The following SLC71A2 variants were observed in gnomAD, a reference collection of about 807,000 sequenced individuals.
The protein encoded by SLC71A2 is solute carrier family 71 member 2, also known as hippocampus abundant transcript-like 1.
chr9:94,424,244 G>GC, the SLC71A2 span, among the ~76,000 whole-genome samples: 1 of 151,152 alleles, frequency 6.6e-6, no homozygotes, highest in African/African-American at 2.4e-5. Flanking sequence ...TTTTTTGGCG[G>GC]AGGGGGGAGC....
the SLC71A2 span, among the ~76,000 whole-genome samples, chr9:94,408,890 C>A: frequency 6.8e-6 from 1 of 147,526 alleles, no homozygotes; most frequent in Non-Finnish European, 1.5e-5. Flanking sequence ...GTGGCACGAT[C>A]TCTGCTCACT....
At chr9:94,446,860 T>C in the SLC71A2 span, 2 of 1,611,948 alleles carry the variant, frequency 1.2e-6, no homozygotes, top group Non-Finnish European at 1.7e-6. Flanking sequence ...ACTGTCTTAC[T>C]AATCTGCATC....
At chr9:94,443,363 A>G in the SLC71A2 span, among the ~76,000 whole-genome samples, 1 of 152,184 alleles carries the variant, frequency 6.6e-6, no homozygotes, top group Non-Finnish European at 1.5e-5. Flanking sequence ...AGGAGAATTT[A>G]TTGCCAATTA....
chr9:94,390,261 C>G, the SLC71A2 span, among the ~76,000 whole-genome samples: 1 of 149,802 alleles, frequency 6.7e-6, no homozygotes. Context: ...TTACCCCGCT[C>G]ATAAGGGAAA....
At chr9:94,441,119 A>G in the SLC71A2 span, 8 of 1,341,116 alleles carry the variant, frequency 6.0e-6, no homozygotes, top group Non-Finnish European at 8.3e-6. Context: ...TAGACTATAT[A>G]TATTTTTTAA....
the SLC71A2 span, among the ~76,000 whole-genome samples, chr9:94,409,570 A>T: frequency 6.6e-6 from 1 of 152,170 alleles, no homozygotes; most frequent in African/African-American, 2.4e-5. Flanking sequence ...GGAAAGTTAA[A>T]TTATTGATTT....
chr9:94,454,282 C>T, the SLC71A2 span, among the ~76,000 whole-genome samples: 3 of 152,206 alleles, frequency 2.0e-5, no homozygotes, highest in Admixed American at 1.3e-4. Context: ...TGGACTTTCA[C>T]GGAATTGTTC....
the SLC71A2 span, chr9:94,445,145 G>A: frequency 1.2e-6 from 2 of 1,613,960 alleles, no homozygotes; most frequent in South Asian, 2.2e-5. Flanking sequence ...GTTTCCTGGG[G>A]AGCTCAGATT....
At chr9:94,431,183 G>T in the SLC71A2 span, among the ~76,000 whole-genome samples, 1 of 151,992 alleles carries the variant, frequency 6.6e-6, no homozygotes, top group African/African-American at 2.4e-5. Flanking sequence ...CGTGGTGGCG[G>T]GCCCCTGTAG....
At chr9:94,419,960 A>C in the SLC71A2 span, among the ~76,000 whole-genome samples, 1 of 152,176 alleles carries the variant, frequency 6.6e-6, no homozygotes, top group African/African-American at 2.4e-5. Flanking sequence ...AAACACCTCG[A>C]GCCAGTAAAC....
At chr9:94,390,715 G>T in the SLC71A2 span, among the ~76,000 whole-genome samples, 2 of 152,140 alleles carry the variant, frequency 1.3e-5, no homozygotes, top group Non-Finnish European at 2.9e-5. Flanking sequence ...GTAATACTTT[G>T]TTAAATTTCT....
At chr9:94,390,553 G>T in the SLC71A2 span, among the ~76,000 whole-genome samples, 73,251 of 151,142 alleles carry the variant, frequency 0.48, 18,022 homozygotes, top group East Asian at 0.6. Context: ...GGGAGGATTA[G>T]TGAGCTCAGC....
chr9:94,400,703 G>A, the SLC71A2 span, among the ~76,000 whole-genome samples: 3 of 152,000 alleles, frequency 2.0e-5, no homozygotes, highest in Non-Finnish European at 4.4e-5. Context: ...TTCCATCCTG[G>A]GATTCTCCAC....
chr9:94,396,615 A>G, the SLC71A2 span, among the ~76,000 whole-genome samples: 5 of 152,214 alleles, frequency 3.3e-5, no homozygotes, highest in East Asian at 1.9e-4. Flanking sequence ...TTTTGGCCAT[A>G]TGTTACTCAG....
chr9:94,430,488 C>G, the SLC71A2 span, among the ~76,000 whole-genome samples: 5 of 152,056 alleles, frequency 3.3e-5, no homozygotes, highest in African/African-American at 1.2e-4. Flanking sequence ...CTCCCACAGT[C>G]TTGCAATCAC....
the SLC71A2 span, among the ~76,000 whole-genome samples, chr9:94,452,741 A>G: frequency 9.9e-6 from 1 of 100,870 alleles, no homozygotes; most frequent in African/African-American, 2.7e-5. Context: ...TATTATATAT[A>G]AATATCTATT....
the SLC71A2 span, among the ~76,000 whole-genome samples, chr9:94,457,060 G>A: frequency 6.6e-6 from 1 of 150,732 alleles, no homozygotes; most frequent in Non-Finnish European, 1.5e-5. Context: ...TCCGTCTCCT[G>A]GGCTCAAGTG....
chr9:94,441,418 A>T, the SLC71A2 span, among the ~76,000 whole-genome samples: 1 of 152,096 alleles, frequency 6.6e-6, no homozygotes, highest in Non-Finnish European at 1.5e-5. Context: ...ACACTTTTAA[A>T]CGGCCAGATC....
the SLC71A2 span, among the ~76,000 whole-genome samples, chr9:94,440,160 AT>A: frequency 2.9e-4 from 42 of 147,290 alleles, no homozygotes; most frequent in South Asian, 4.3e-4. Flanking sequence ...CTTTTCTCTT[AT>A]TTTTTTTTTT....
Sources: gnomAD v4.1 joint callset for allele counts (sites outside exome capture counted in the v4.1 genomes callset) on GRCh38, gnomAD v4.1.1 for gene constraint, MANE v1.5 for transcripts, NCBI Gene and HGNC (gene_info 2026-07-23, HGNC 2026-07-21) for gene names.